The following ZNF283 variants were observed in gnomAD, a reference collection of about 807,000 sequenced individuals.
The protein encoded by ZNF283 is zinc finger protein 41.
ZNF283 carries 10 observed loss-of-function variants against 9.2 expected under a neutral mutation model. That is an observed-to-expected ratio of 1.09 (90% confidence interval 0.67 to 1.85). ZNF283 has a LOEUF of 1.85. Among genes scored for constraint, ZNF283 ranks in the 40% most tolerant of loss-of-function variants. The pLI is 0.00. For synonymous variants in ZNF283, 234 were observed against 244.1 expected (o/e 0.96, Z 0.38); for missense variants, 631 against 760.1 (o/e 0.83, Z 2.00).
intron 6 of ZNF283, among the ~76,000 whole-genome samples, chr19:43,844,334 A>G (rs933517627): frequency 3.9e-5 from 6 of 152,354 alleles, no homozygotes; most frequent in Middle Eastern, 3.4e-3. Context: ...TACATAAAAC[A>G]TAAGTAGTAA....
rs1167211375 is a variant in ZNF283, at chr19:43,842,866, C to A, written c.338-4073C>A. 5.9e-5 allele frequency among the ~76,000 whole-genome samples: 9 copies of A among 152,278 alleles called. No homozygotes were observed. The East Asian group carries it at 9.6e-4, about 16-fold the overall frequency. Reference sequence around the variant, plus strand: ...ACAAAGAAAATGTGTTAAGAAAAAACCCATTTTCACTTAAGAACATCTTGA... The same window carrying A: ...ACAAAGAAAATGTGTTAAGAAAAAAACCATTTTCACTTAAGAACATCTTGA... On this transcript the variant is annotated intron_variant, in intron 6 of 6. Coordinates refer to ENST00000618787, the MANE Select transcript of ZNF283 (RefSeq NM_181845.2).
At position 43,847,577 on chromosome 19, in the gene ZNF283, A is replaced by C. The variant is rs1465440378; in HGVS notation, c.976A>C (p.Lys326Gln). 1 of 1,608,434 alleles carries C rather than the reference A, an allele frequency of 6.2e-7. No homozygotes were observed. The highest frequency in any genetic ancestry group is 1.1e-5 in the South Asian group (1 of 90,800). ...ATCTTATAAATGTAAGGAATGTGGG[A>C]AGGCCTTTTTTTGGGGCTCAAGCCT... ...VKSYKCKECG[K>Q]AFFWGSSLAK... Residue 326 changes from lysine (K) to glutamine (Q), a missense_variant, in exon 7 of 7, where the codon AAG becomes CAG. This residue lies in a region of ZNF283 where 444 missense variants were observed against 522.5 expected (regional missense o/e 0.85). Transcript: ENST00000618787.
chr19:43,830,013 A>C (rs1465680780), intron 2 of ZNF283, among the ~76,000 whole-genome samples: 4 of 152,212 alleles, frequency 2.6e-5, no homozygotes, highest in Admixed American at 2.6e-4. Flanking sequence ...ACAGAGCAAG[A>C]CTGTCTCACA....
At chr19:43,843,706 C>T (rs1052877234) in intron 6 of ZNF283, among the ~76,000 whole-genome samples, 2 of 152,028 alleles carry the variant, frequency 1.3e-5, no homozygotes, top group African/African-American at 4.8e-5. Flanking sequence ...TCCAAATGAC[C>T]AGTGTATGAT....
chr19:43,850,948 A>T lies in ZNF283; in HGVS notation c.*2307A>T, dbSNP rs1244297640. 6.6e-6 allele frequency: 1 copy of T among 152,210 alleles called. No individual in the cohort carries two copies. The highest frequency in any genetic ancestry group is 1.5e-5 in the Non-Finnish European group (1 of 68,038). The allele number at this position is 152,210 out of a possible 1,614,324, so 9.4% of individuals were successfully genotyped here. A position where few individuals can be genotyped will look rare whatever the true frequency, so the allele number is the denominator to read the frequency against. On this transcript the variant is annotated 3_prime_UTR_variant, in exon 7 of 7. Transcript: ENST00000618787. ...TTCCATCAGAACTAATGCATTGATAACTAAATGTCTGTGGTTCCTTGTCAT... is the reference window on the plus strand; with the variant it reads ...TTCCATCAGAACTAATGCATTGATATCTAAATGTCTGTGGTTCCTTGTCAT...
chr19:43,837,153 AGAACTATAG>A lies in ZNF283; in HGVS notation c.312_320del (p.Glu104_Ser107delinsAsp). 6.2e-7 allele frequency: 1 copy of A among 1,612,372 alleles called. No homozygotes were observed. On this transcript the variant is annotated inframe_deletion, in exon 6 of 7. Coordinates refer to ENST00000618787, the MANE Select transcript of ZNF283 (RefSeq NM_181845.2). The stretch of plus-strand genomic sequence containing the variant: ...GACTTGTACGTGGATGTAATGTTGG[AGAACTATAG>A]TAACTTGGTGTCACTGGGTAAGGTC...
chr19:43,835,352 C>T (rs1036039267), intron 4 of ZNF283, among the ~76,000 whole-genome samples, 153 bp from the exon 5 acceptor site: 32 of 152,266 alleles, frequency 2.1e-4, no homozygotes, highest in Middle Eastern at 3.4e-3. Flanking sequence ...CTGCTGAAGA[C>T]CTTTGGGGTT....
intron 6 of ZNF283, among the ~76,000 whole-genome samples, chr19:43,839,703 C>G (rs1011448728): frequency 6.6e-6 from 1 of 152,102 alleles, no homozygotes; most frequent in Non-Finnish European, 1.5e-5. Flanking sequence ...AGTCTTTCTT[C>G]TGCTGAATCC....
At position 43,831,342 on chromosome 19, in the gene ZNF283, T is replaced by C; in HGVS notation, c.-40T>C. On this transcript the variant is annotated 5_prime_UTR_variant, in exon 3 of 7. Coordinates refer to ENST00000618787, the MANE Select transcript of ZNF283 (RefSeq NM_181845.2). ...GGAGAATCTTGACAGTGAATGTGTC[T>C]CATTACATTGAATAACAGCTACAGG... 3 of 1,595,946 alleles carry C rather than the reference T, an allele frequency of 1.9e-6. No homozygotes were observed. Among genetic ancestry groups the C allele is most frequent in the Non-Finnish European group, 2.5e-6 (3 of 1,178,680 alleles).
Position 43,848,234 on chromosome 19 carries a change from T to A in ZNF283, c.1633T>A (p.Cys545Ser). Residue 545 changes from cysteine to serine, a missense_variant, in exon 7 of 7, where the codon TGT (cysteine) becomes AGT (serine). Cys to Ser is a moderately radical substitution (Grantham distance 112). This residue lies in a region of ZNF283 where 444 missense variants were observed against 522.5 expected (regional missense o/e 0.85). Transcript: ENST00000618787. ...RIHTGEKPYECKECGKAFSRG... is the reference protein window; with the variant it reads ...RIHTGEKPYESKECGKAFSRG... The stretch of plus-strand genomic sequence containing the variant: ...CCATACAGGGGAGAAACCCTATGAA[T>A]GTAAAGAATGTGGGAAGGCTTTTAG... 6.2e-7 allele frequency: 1 copy of A among 1,613,888 alleles called. No homozygotes were observed. Among genetic ancestry groups the A allele is most frequent in the Non-Finnish European group, 8.5e-7 (1 of 1,179,956 alleles).
At position 43,848,142 on chromosome 19, in the gene ZNF283, C is replaced by A. The variant is rs1301378020; in HGVS notation, c.1541C>A (p.Pro514His). The change falls in exon 7 of 7, where the codon CCC becomes CAC. Residue 514 changes from proline (P) to histidine (H), a missense_variant. Pro to His is a moderately conservative substitution (Grantham distance 77). Around this residue, in one of 3 missense-constraint regions of ZNF283, gnomAD observed 444 missense variants for 522.5 expected, o/e 0.85. Coordinates refer to ENST00000618787, the MANE Select transcript of ZNF283 (RefSeq NM_181845.2). The stretch of plus-strand genomic sequence containing the variant: ...CAGGTATTTCACACTGGTGAGAAAC[C>A]CTATGAATGTAAGGAATGTGGGAAG... ...RHQVFHTGEK[P>H]YECKECGKAF... 14 of 1,613,554 alleles carry A rather than the reference C, an allele frequency of 8.7e-6. No homozygotes were observed. Among genetic ancestry groups the A allele is most frequent in the Non-Finnish European group, 1.2e-5 (14 of 1,179,854 alleles).
At chr19:43,840,419 G>A (rs970670310) in intron 6 of ZNF283, among the ~76,000 whole-genome samples, 11 of 152,042 alleles carry the variant, frequency 7.2e-5, no homozygotes, top group Admixed American at 7.2e-4. Context: ...GGTCCCAACC[G>A]GCTGTTCCAG....
chr19:43,829,209 C>T (rs1970596510), intron 2 of ZNF283, among the ~76,000 whole-genome samples: 1 of 152,128 alleles, frequency 6.6e-6, no homozygotes. Flanking sequence ...CACGGTGAAA[C>T]CCCGTCTCCA....
chr19:43,838,540 G>GAGA (rs1971072470), intron 6 of ZNF283, among the ~76,000 whole-genome samples: 1 of 152,098 alleles, frequency 6.6e-6, no homozygotes, highest in Non-Finnish European at 1.5e-5. Flanking sequence ...GAGGTGGCTG[G>GAGA]ATTGCTTGAA....
chr19:43,851,418 GA>G lies in ZNF283; in HGVS notation c.*2790del, dbSNP rs140939474. The stretch of plus-strand genomic sequence containing the variant: ...GCTTATCAAAAGACTAAAGAGAAGT[GA>G]AAAAAAAAAAAAGACGGCCGGGCGC... On this transcript the variant is annotated 3_prime_UTR_variant, in exon 7 of 7. Transcript: ENST00000618787. The G allele has an allele frequency of 1.6e-3, 224 of 141,218 alleles. No homozygotes were observed. The highest frequency in any genetic ancestry group is 3.6e-3 in the Middle Eastern group (1 of 276). 8.7% of individuals were successfully genotyped at this position (141,218 alleles called of 1,614,324 possible). A position where few individuals can be genotyped will look rare whatever the true frequency, so the allele number is the denominator to read the frequency against.
intron 3 of ZNF283, 21 bp from the exon 4 acceptor site, chr19:43,833,484 C>CTTTTTTGTTTTT (rs1970810766): frequency 7.4e-6 from 1 of 134,762 alleles, no homozygotes; most frequent in African/African-American, 4.0e-5. Context: ...TTACCTATTT[C>CTTTTTTGTTTTT]TTTTTTTTTT....
intron 6 of ZNF283, among the ~76,000 whole-genome samples, chr19:43,841,937 A>C (rs972760899): frequency 6.6e-5 from 10 of 152,066 alleles, no homozygotes; most frequent in African/African-American, 1.9e-4. Flanking sequence ...TTGGTCTGTA[A>C]TAATCTGACT....
intron 2 of ZNF283, among the ~76,000 whole-genome samples, chr19:43,828,669 T>C (rs1481484289): frequency 6.6e-6 from 1 of 152,198 alleles, no homozygotes; most frequent in Non-Finnish European, 1.5e-5. Flanking sequence ...TTTTTAACTT[T>C]TTTTAGAGAC....
chr19:43,829,973 A>G (rs1599707713), intron 2 of ZNF283, among the ~76,000 whole-genome samples: 1 of 152,094 alleles, frequency 6.6e-6, no homozygotes, highest in Non-Finnish European at 1.5e-5. Flanking sequence ...TAGTGTGCCG[A>G]GATCGCGCCA....
Sources: allele counts gnomAD v4.1 joint callset (sites outside exome capture counted in the v4.1 genomes callset), GRCh38; gene constraint gnomAD v4.1.1; regional missense constraint gnomAD v4.1.1; transcripts MANE v1.5; gene names NCBI Gene and HGNC (gene_info 2026-07-23, HGNC 2026-07-21).